Variants in SERINC5 observed in about 807,000 individuals in gnomAD.
SERINC5 encodes the protein serine incorporator 5.
Under a neutral mutation model 63.1 loss-of-function variants are expected in SERINC5, and 41 were observed. The ratio of observed to expected loss-of-function variants is 0.65; its 90% CI spans 0.51 to 0.84. SERINC5 has a LOEUF of 0.84. Among genes scored for constraint, SERINC5 ranks in the 40% least tolerant of loss-of-function variants. SERINC5 has a pLI of 0.00. For missense variants in SERINC5, 523 were observed against 573.0 expected (o/e 0.91, Z 0.89); for synonymous variants, 222 against 215.2 (o/e 1.03, Z -0.28).
chr5:80,216,893 C>A (rs948881780), intron 1 of SERINC5, among the ~76,000 whole-genome samples: 2 of 151,910 alleles, frequency 1.3e-5, no homozygotes, highest in African/African-American at 4.8e-5. Flanking sequence ...AGCCTGTAGT[C>A]CCGGCTACTT....
At chr5:80,201,949 G>GC (rs1749862859) in intron 2 of SERINC5, among the ~76,000 whole-genome samples, 1 of 152,150 alleles carries the variant, frequency 6.6e-6, no homozygotes, top group African/African-American at 2.4e-5. Context: ...TGAAATCCTG[G>GC]CAGGCGGCCA....
intron 5 of SERINC5, among the ~76,000 whole-genome samples, chr5:80,173,662 T>C (rs1395513634): frequency 6.6e-6 from 1 of 151,908 alleles, no homozygotes; most frequent in Admixed American, 6.6e-5. Flanking sequence ...CTTGCTGCTC[T>C]CCCCTCCCCC....
At chr5:80,132,708 T>G (rs1012197016) in intron 11 of SERINC5, among the ~76,000 whole-genome samples, 7 of 152,112 alleles carry the variant, frequency 4.6e-5, no homozygotes, top group African/African-American at 1.7e-4. Context: ...CAAGTGATCC[T>G]CCTACCTCGG....
intron 1 of SERINC5, among the ~76,000 whole-genome samples, chr5:80,227,452 C>A (rs1464454773): frequency 2.0e-5 from 3 of 151,964 alleles, no homozygotes; most frequent in Non-Finnish European, 4.4e-5. Flanking sequence ...AGAGTCACAG[C>A]ACACCTCATA....
chr5:80,254,876 C>A (rs1007461354), intron 1 of SERINC5, among the ~76,000 whole-genome samples: 2 of 152,202 alleles, frequency 1.3e-5, no homozygotes, highest in Admixed American at 1.3e-4. Flanking sequence ...GTATAATCGC[C>A]GGTTACAGAA....
intron 11 of SERINC5, among the ~76,000 whole-genome samples, chr5:80,130,523 G>A (rs1744905118): frequency 6.6e-6 from 1 of 152,146 alleles, no homozygotes; most frequent in South Asian, 2.1e-4. Flanking sequence ...CATCTTCCCG[G>A]TTTGTCGTAA....
intron 11 of SERINC5, among the ~76,000 whole-genome samples, chr5:80,126,442 G>C (rs1348192525): frequency 6.6e-6 from 1 of 152,110 alleles, no homozygotes; most frequent in African/African-American, 2.4e-5. Context: ...ATCTTTTAGT[G>C]CTAGATGCTT....
In SERINC5 at chr5:80,178,024, C is replaced by T; in HGVS notation, c.236G>A (p.Gly79Asp). 1 of 1,611,678 alleles carries T rather than the reference C, an allele frequency of 6.2e-7. No individual in the cohort carries two copies. The highest frequency in any genetic ancestry group is 8.5e-7 in the Non-Finnish European group (1 of 1,179,106). ...TCCCACCAGCTTCTCACAGGTGTCA[C>T]CAGCTTTAATGCCTTTACACATATC... ...FEDMCKGIKA[G>D]DTCEKLVGYS... The change falls in exon 3 of 12, where the codon GGT (glycine) becomes GAT (aspartate). Residue 79 changes from glycine to aspartate, a missense_variant. Transcript: ENST00000507668.
At chr5:80,189,460 C>T (rs1275542162) in intron 2 of SERINC5, among the ~76,000 whole-genome samples, 5 of 152,298 alleles carry the variant, frequency 3.3e-5, no homozygotes, top group Admixed American at 1.3e-4. Flanking sequence ...ACCACAGCTA[C>T]GGAGGTCTGA....
rs1745330601 is a variant in SERINC5, at chr5:80,138,803, A to G, written c.*4860T>C. 1 of 984,482 alleles carries G rather than the reference A, an allele frequency of 1.0e-6. No individual in the cohort carries two copies. The highest frequency in any genetic ancestry group is 1.2e-6 in the Non-Finnish European group (1 of 829,072). The allele number at this position is 984,482 out of a possible 1,614,324, so 61.0% of individuals were successfully genotyped here. ...GACTCCATGAAACTTGAGAGACCTG[A>G]TTAACATCTGAAGGCAACATCTCTG... On this transcript the variant is annotated 3_prime_UTR_variant, in exon 12 of 12. Coordinates refer to ENST00000507668, the MANE Select transcript of SERINC5 (RefSeq NM_001174072.3).
intron 1 of SERINC5, among the ~76,000 whole-genome samples, chr5:80,236,377 TCTTAA>T (rs1751688908): frequency 6.6e-6 from 1 of 152,122 alleles, no homozygotes; most frequent in Non-Finnish European, 1.5e-5. Flanking sequence ...TAGAACTGGC[TCTTAA>T]CTTCTCAGCT....
intron 1 of SERINC5, among the ~76,000 whole-genome samples, chr5:80,243,248 C>T (rs1223890420): frequency 6.6e-6 from 1 of 152,096 alleles, no homozygotes; most frequent in Non-Finnish European, 1.5e-5. Context: ...TTTTAAAATA[C>T]CTAGAGTGAT....
intron 1 of SERINC5, among the ~76,000 whole-genome samples, chr5:80,203,888 A>G (rs1317602353): frequency 6.6e-6 from 1 of 152,194 alleles, no homozygotes; most frequent in Non-Finnish European, 1.5e-5. Context: ...CGGAACTTTC[A>G]GGAGCACACA....
chr5:80,177,819 G>T, intron 3 of SERINC5, 67 bp downstream of exon 3: 1 of 1,252,122 alleles, frequency 8.0e-7, no homozygotes. Flanking sequence ...GGGCAGATGG[G>T]ATCCTGGACT....
rs910443816 is a variant in SERINC5 at position 80,143,390 on chromosome 5, G to A, written c.*273C>T. On this transcript the variant is annotated 3_prime_UTR_variant, in exon 12 of 12. Coordinates refer to ENST00000507668, the MANE Select transcript of SERINC5 (RefSeq NM_001174072.3). Reference sequence around the variant, plus strand: ...TCTGTTTTGGCAAAAACATGCAGAAGGAAGTCAACATAACTGGTATCCAGT... The same window carrying A: ...TCTGTTTTGGCAAAAACATGCAGAAAGAAGTCAACATAACTGGTATCCAGT... 8.7e-7 allele frequency: 1 copy of A among 1,154,304 alleles called. No individual in the cohort carries two copies. The highest frequency in any genetic ancestry group is 1.1e-6 in the Non-Finnish European group (1 of 938,286). 71.5% of individuals were successfully genotyped at this position (1,154,304 alleles called of 1,614,324 possible). A position where few individuals can be genotyped will look rare whatever the true frequency, so the allele number is the denominator to read the frequency against.
At chr5:80,219,491 CCAAA>C (rs994241565) in intron 1 of SERINC5, among the ~76,000 whole-genome samples, 10 of 152,136 alleles carry the variant, frequency 6.6e-5, no homozygotes, top group South Asian at 2.1e-4. Flanking sequence ...TGCCTTTCCC[CCAAA>C]CAAATAGCCG....
intron 7 of SERINC5, among the ~76,000 whole-genome samples, chr5:80,162,014 T>A (rs576068560): frequency 2.0e-5 from 3 of 152,336 alleles, no homozygotes; most frequent in African/African-American, 7.2e-5. Context: ...AAAGACCAGA[T>A]GGCTATAAAT....
intron 11 of SERINC5, among the ~76,000 whole-genome samples, chr5:80,132,599 CT>C (rs10708908): frequency 0.14 from 20,553 of 147,080 alleles, 1,605 homozygotes; most frequent in Non-Finnish European, 0.17. Context: ...TGCCTTAGTT[CT>C]TTTTTTTTTT....
At chr5:80,181,416 T>TTGTGTG (rs70982028) in intron 2 of SERINC5, among the ~76,000 whole-genome samples, 6,814 of 145,410 alleles carry the variant, frequency 0.047, 190 homozygotes, top group South Asian at 0.11. Flanking sequence ...TCAGCTAATT[T>TTGTGTG]TGTGTGTGTG....
Sources: gnomAD v4.1 joint callset for allele counts (sites outside exome capture counted in the v4.1 genomes callset) on GRCh38, gnomAD v4.1.1 for gene constraint, MANE v1.5 for transcripts, NCBI Gene and HGNC (gene_info 2026-07-23, HGNC 2026-07-21) for gene names.